SGPP1: variants seen among roughly 807,000 people sequenced by gnomAD.
SGPP1 encodes the protein sphingosine-1-phosphate phosphatase 1, also known as hSPP1.
Under a neutral mutation model 33.0 loss-of-function variants are expected in SGPP1, and 21 were observed. That is an observed-to-expected ratio of 0.64 (90% CI 0.45 to 0.92). SGPP1 has a LOEUF of 0.92. Ranked by LOEUF, SGPP1 falls within the 40% of genes least tolerant of loss-of-function variation. The probability of loss-of-function intolerance (pLI) is 0.00; values close to 1 mark genes in which losing one functional copy is unlikely to be tolerated. For synonymous variants in SGPP1, 239 were observed against 241.2 expected (o/e 0.99, Z 0.08); for missense variants, 543 against 589.4 (o/e 0.92, Z 0.81).
At chr14:63,714,900 T>C (rs1342243313) in intron 1 of SGPP1, among the ~76,000 whole-genome samples, 1 of 151,996 alleles carries the variant, frequency 6.6e-6, no homozygotes, top group Non-Finnish European at 1.5e-5. Flanking sequence ...GCTAACTTTC[T>C]ATATTTTTTA....
chr14:63,713,649 A>G (rs535449903), intron 1 of SGPP1, among the ~76,000 whole-genome samples: 11 of 152,354 alleles, frequency 7.2e-5, no homozygotes, highest in Non-Finnish European at 1.5e-4. Flanking sequence ...GCCAAAATCT[A>G]GGGAAGAAAT....
At chr14:63,703,430 G>A (rs1566820666) in intron 1 of SGPP1, among the ~76,000 whole-genome samples, 2 of 151,986 alleles carry the variant, frequency 1.3e-5, no homozygotes, top group Admixed American at 6.6e-5. Context: ...TGAGGTGGGC[G>A]GATCACAAGG....
In SGPP1 at chr14:63,699,981, G is replaced by A. The variant is rs1039641385; in HGVS notation, c.685-1323C>T. On this transcript the variant is annotated intron_variant, in intron 1 of 2. Transcript: ENST00000247225. ...ACAGTCTTACCTTTTCCTTTTTTTT[G>A]AGACAGGGTCTTACTCTGTCACCAA... 1.0e-4 allele frequency among the ~76,000 whole-genome samples: 15 copies of A among 150,196 alleles called. 1 individual carries two copies. Among genetic ancestry groups the A allele is most frequent in the South Asian group, 4.2e-4 (2 of 4,756 alleles).
In SGPP1 at chr14:63,685,018, G is replaced by A. The variant is rs1281631796; in HGVS notation, c.*1087C>T. ...CATTGTCCCATCTATAAATTTCAACGTTTCCATTCACTGGAAATACCTACC... is the reference window on the plus strand; with the variant it reads ...CATTGTCCCATCTATAAATTTCAACATTTCCATTCACTGGAAATACCTACC... On this transcript the variant is annotated 3_prime_UTR_variant, in exon 3 of 3. Transcript: ENST00000247225. 2 of 151,796 alleles carry A rather than the reference G, an allele frequency of 1.3e-5. No individual in the cohort carries two copies. Among genetic ancestry groups the A allele is most frequent in the Non-Finnish European group, 2.9e-5 (2 of 67,866 alleles). 9.4% of individuals were successfully genotyped at this position (151,796 alleles called of 1,614,324 possible). A position where few individuals can be genotyped will look rare whatever the true frequency, so the allele number is the denominator to read the frequency against.
intron 1 of SGPP1, among the ~76,000 whole-genome samples, chr14:63,711,637 T>C (rs1218397842): frequency 6.6e-6 from 1 of 152,218 alleles, no homozygotes; most frequent in Non-Finnish European, 1.5e-5. Context: ...ACTCACATTA[T>C]GGAGGATAAT....
rs923505415 is a variant in SGPP1, at chr14:63,709,390, A to C, written c.685-10732T>G. Among the ~76,000 whole-genome samples, 3 of 151,832 alleles carry C rather than the reference A, an allele frequency of 2.0e-5. No individual in the cohort carries two copies. The East Asian group carries it at 5.8e-4, about 29-fold the overall frequency. On this transcript the variant is annotated intron_variant, in intron 1 of 2. Transcript: ENST00000247225. ...TCTCTGTCTCAAAAAAAAAAAAAAA[A>C]CCATTAATTCTATCCCTCTCTCTTT...
At chr14:63,707,923 G>A (rs983100554) in intron 1 of SGPP1, among the ~76,000 whole-genome samples, 2 of 151,892 alleles carry the variant, frequency 1.3e-5, no homozygotes, top group African/African-American at 2.4e-5. Context: ...TAGCTGCCTC[G>A]GCACTCAGGA....
rs138943256 is a variant in SGPP1, at chr14:63,686,184, C to T, written c.1247G>A (p.Arg416Gln). Residue 416 changes from arginine (R) to glutamine (Q), a missense_variant, in exon 3 of 3, where the codon CGG (arginine) becomes CAG (glutamine). Coordinates refer to ENST00000247225, the MANE Select transcript of SGPP1 (RefSeq NM_030791.4). ...ACCAACCATTCCATAGGTAATATAC[C>T]GATAAGGAAGTTCAACTTCCATGTG... ...RQHMEVELPYRYITYGMVGFS... is the reference protein window; with the variant it reads ...RQHMEVELPYQYITYGMVGFS... 279 of 1,613,450 alleles carry T rather than the reference C, an allele frequency of 1.7e-4. No individual in the cohort carries two copies. The highest frequency in any genetic ancestry group is 2.1e-4 in the Non-Finnish European group (243 of 1,179,724).
At chr14:63,726,465 C>G (rs1885881961) in intron 1 of SGPP1, among the ~76,000 whole-genome samples, 1 of 152,058 alleles carries the variant, frequency 6.6e-6, no homozygotes, top group African/African-American at 2.4e-5. Context: ...AAAAATTTTC[C>G]TGATTGTCAG....
At chr14:63,710,370 T>A (rs1885498721) in intron 1 of SGPP1, among the ~76,000 whole-genome samples, 1 of 152,222 alleles carries the variant, frequency 6.6e-6, no homozygotes, top group Admixed American at 6.5e-5. Context: ...AATTTATTGG[T>A]TATAATGAAG....
intron 2 of SGPP1, among the ~76,000 whole-genome samples, chr14:63,697,004 T>C (rs1885199758): frequency 6.6e-6 from 1 of 151,848 alleles, no homozygotes; most frequent in South Asian, 2.1e-4. Context: ...AAAAAAGTGT[T>C]TGGTAGGGAC....
At chr14:63,706,967 T>C (rs1341203365) in intron 1 of SGPP1, among the ~76,000 whole-genome samples, 3 of 141,818 alleles carry the variant, frequency 2.1e-5, no homozygotes, top group African/African-American at 5.4e-5. Flanking sequence ...CACTTGAACA[T>C]GGAGGCAGAG....
intron 2 of SGPP1, among the ~76,000 whole-genome samples, chr14:63,697,139 T>C (rs1280260374): frequency 6.6e-6 from 1 of 152,028 alleles, no homozygotes; most frequent in Non-Finnish European, 1.5e-5. Context: ...CAATATACCT[T>C]TGCAAACAAA....
Position 63,712,365 on chromosome 14 carries a change from CCT to C in SGPP1, c.685-13709_685-13708del, listed in dbSNP as rs144530613. Reference sequence around the variant, plus strand: ...TTTATGATACTGTCCAATCTACACCCCTCTCTTCTGAAAACTTCCCCCACTTG... The same window carrying C: ...TTTATGATACTGTCCAATCTACACCCCTCTTCTGAAAACTTCCCCCACTTG... On this transcript the variant is annotated intron_variant, in intron 1 of 2. Coordinates refer to ENST00000247225, the MANE Select transcript of SGPP1 (RefSeq NM_030791.4). 3.2e-3 allele frequency among the ~76,000 whole-genome samples: 493 copies of C among 152,208 alleles called. 1 individual carries two copies. Among genetic ancestry groups the C allele is most frequent in the African/African-American group, 0.011 (474 of 41,532 alleles).
intron 1 of SGPP1, among the ~76,000 whole-genome samples, chr14:63,710,389 AAT>A (rs1885499036): frequency 1.3e-5 from 2 of 152,360 alleles, no homozygotes; most frequent in Admixed American, 6.5e-5. Flanking sequence ...AGTAGTTAAA[AAT>A]ATGAGTTTAT....
At chr14:63,700,328 A>T (rs1275323913) in intron 1 of SGPP1, among the ~76,000 whole-genome samples, 1 of 152,178 alleles carries the variant, frequency 6.6e-6, no homozygotes, top group East Asian at 1.9e-4. Flanking sequence ...CAGTAAACCC[A>T]CTATACCTCA....
At chr14:63,695,497 T>C (rs891434829) in intron 2 of SGPP1, among the ~76,000 whole-genome samples, 5 of 152,252 alleles carry the variant, frequency 3.3e-5, no homozygotes, top group African/African-American at 1.2e-4. Context: ...GGGATGACTT[T>C]TGAAGTATCT....
intron 1 of SGPP1, among the ~76,000 whole-genome samples, chr14:63,702,531 G>A (rs1486712065): frequency 6.6e-6 from 1 of 152,086 alleles, no homozygotes. Flanking sequence ...CCAACAGGAT[G>A]AAACCTTGTC....
In SGPP1 at chr14:63,727,379, G is replaced by A. The variant is rs1269664551; in HGVS notation, c.566C>T (p.Pro189Leu). Reference protein sequence around the residue: ...DIIRWPRPASPPVVKLEVFYN... With the variant: ...DIIRWPRPASLPVVKLEVFYN... ...GAAGACCTCCAACTTGACCACGGGC[G>A]GCGAGGCGGGCCTCGGCCAGCGGAT... Residue 189 changes from proline to leucine, a missense_variant, in exon 1 of 3, where the codon CCG becomes CTG. Pro to Leu is a moderately conservative substitution (Grantham distance 98). Transcript: ENST00000247225. 1 of 1,614,146 alleles carries A rather than the reference G, an allele frequency of 6.2e-7. No homozygotes were observed. The highest frequency in any genetic ancestry group is 1.1e-5 in the South Asian group (1 of 91,082).
Sources: gnomAD v4.1 joint callset for allele counts (sites outside exome capture counted in the v4.1 genomes callset) on GRCh38, gnomAD v4.1.1 for gene constraint, MANE v1.5 for transcripts, NCBI Gene and HGNC (gene_info 2026-07-23, HGNC 2026-07-21) for gene names.